Variants in UST observed in about 807,000 individuals in gnomAD.
UST encodes the protein chondroitin sulfate 2-O-sulfotransferase.
Under a neutral mutation model 45.6 loss-of-function variants are expected in UST, and 21 were observed. The observed-to-expected ratio is 0.46, with a 90% confidence interval of 0.33 to 0.66. The LOEUF (loss-of-function observed/expected upper bound fraction) is 0.66, where lower values mean the gene tolerates loss of function less well. Among genes scored for constraint, UST ranks in the 30% least tolerant of loss-of-function variants. The pLI, the probability that UST is intolerant of heterozygous loss-of-function variation, is 0.02. For synonymous variants in UST, 215 were observed against 200.6 expected, an observed-to-expected ratio of 1.07 and a Z score of -0.61; for missense variants, 463 against 512.4, an observed-to-expected ratio of 0.90 and a Z score of 0.93.
chr6:148,750,953 C>T (rs1007577535), intron 1 of UST, among the ~76,000 whole-genome samples: 1 of 152,104 alleles, frequency 6.6e-6, no homozygotes, highest in African/African-American at 2.4e-5. Context: ...TTGGACCTGC[C>T]GCATCAGCCT....
intron 5 of UST, among the ~76,000 whole-genome samples, chr6:148,984,908 A>G (rs1229142040): frequency 6.6e-6 from 1 of 152,228 alleles, no homozygotes; most frequent in Non-Finnish European, 1.5e-5. Context: ...ACATGAGACC[A>G]AGAGGAATGG....
intron 1 of UST, among the ~76,000 whole-genome samples, chr6:148,853,319 G>A (rs1021007315): frequency 2.0e-5 from 3 of 152,164 alleles, no homozygotes; most frequent in East Asian, 3.8e-4. Context: ...ATTCCATGGT[G>A]TATATGTACC....
Position 149,054,221 on chromosome 6 carries a change from C to T in UST, c.938-19612C>T, listed in dbSNP as rs546679960. Among the ~76,000 whole-genome samples the T allele has an allele frequency of 3.4e-4, 52 of 152,338 alleles. No homozygotes were observed. In the Middle Eastern group the frequency reaches 0.01, roughly 30 times the overall value. ...ACCCAAAGAAGAGCCAAAGAGCTTT[C>T]ACTTGCTTTCCCTTCTAGCCAACCA... On this transcript the variant is annotated intron_variant, in intron 7 of 7. Coordinates refer to ENST00000367463, the MANE Select transcript of UST (RefSeq NM_005715.3).
intron 1 of UST, among the ~76,000 whole-genome samples, chr6:148,858,496 C>T (rs1228153403): frequency 6.8e-6 from 1 of 146,482 alleles, no homozygotes. Flanking sequence ...TTGCATCTTT[C>T]TTTTTTTTTT....
chr6:149,045,569 C>T (rs906839779), intron 7 of UST, among the ~76,000 whole-genome samples: 1 of 152,170 alleles, frequency 6.6e-6, no homozygotes. Context: ...TCTCTAGGCA[C>T]AGGCTTAGTA....
chr6:148,917,469 T>G (rs1319733607), intron 2 of UST, among the ~76,000 whole-genome samples: 4 of 152,234 alleles, frequency 2.6e-5, no homozygotes, highest in Admixed American at 2.6e-4. Flanking sequence ...AAAGCGGGGT[T>G]GCTTGGACCA....
intron 1 of UST, among the ~76,000 whole-genome samples, chr6:148,835,674 C>G (rs530807547): frequency 2.6e-5 from 4 of 152,126 alleles, no homozygotes; most frequent in African/African-American, 9.7e-5. Context: ...CCTGGCACTC[C>G]GGGAATACTG....
chr6:148,867,817 C>T (rs1258654681), intron 1 of UST, among the ~76,000 whole-genome samples: 1 of 152,166 alleles, frequency 6.6e-6, no homozygotes, highest in African/African-American at 2.4e-5. Flanking sequence ...CAGACTAATA[C>T]ACACTTGTTT....
At chr6:148,853,697 T>C in intron 1 of UST, among the ~76,000 whole-genome samples, 1 of 152,250 alleles carries the variant, frequency 6.6e-6, no homozygotes, top group Non-Finnish European at 1.5e-5. Context: ...TTGATTTGTA[T>C]TTCTCTAATG....
intron 5 of UST, among the ~76,000 whole-genome samples, chr6:149,003,890 C>T (rs952646241): frequency 2.0e-4 from 31 of 152,314 alleles, no homozygotes; most frequent in African/African-American, 4.3e-4. Context: ...ATTTAATAGA[C>T]GTGCAGGGCC....
chr6:148,764,738 A>G (rs145793379), intron 1 of UST, among the ~76,000 whole-genome samples: 31 of 152,306 alleles, frequency 2.0e-4, no homozygotes, highest in African/African-American at 6.7e-4. Flanking sequence ...CAGAGATCAC[A>G]TGCTTCAAGG....
In UST at chr6:149,033,419, C is replaced by T. The variant is rs1213893588; in HGVS notation, c.937+11938C>T. Among the ~76,000 whole-genome samples, 5 of 152,196 alleles carry T rather than the reference C, an allele frequency of 3.3e-5. 1 individual carries two copies. The highest frequency in any genetic ancestry group is 1.3e-4 in the Admixed American group (2 of 15,286). On this transcript the variant is annotated intron_variant, in intron 7 of 7. Coordinates refer to ENST00000367463, the MANE Select transcript of UST (RefSeq NM_005715.3). ...GTCTGTATATTTTTCATGTCTCAGA[C>T]ATTTTTATCAATACATAATGTCCTA...
At chr6:149,005,700 C>A in intron 5 of UST, 1 of 795,438 alleles carries the variant, frequency 1.3e-6, no homozygotes, top group Non-Finnish European at 1.5e-6. Context: ...GCACATTGAG[C>A]TTGATAACTT....
chr6:148,830,413 T>C (rs1425703402), intron 1 of UST, among the ~76,000 whole-genome samples: 1 of 152,256 alleles, frequency 6.6e-6, no homozygotes, highest in African/African-American at 2.4e-5. Flanking sequence ...TATCCAATTC[T>C]ATCCCCACAA....
chr6:149,002,202 G>A (rs1490735946), intron 5 of UST, among the ~76,000 whole-genome samples: 1 of 151,634 alleles, frequency 6.6e-6, no homozygotes, highest in Non-Finnish European at 1.5e-5. Context: ...AGATTCTAAA[G>A]CAGTAGAGGA....
chr6:149,028,135 C>T (rs971627709), intron 7 of UST, among the ~76,000 whole-genome samples: 3 of 152,166 alleles, frequency 2.0e-5, no homozygotes, highest in Non-Finnish European at 2.9e-5. Flanking sequence ...TGATCCACCG[C>T]GCCCGGCCTA....
chr6:148,909,887 T>C (rs1427206071), intron 2 of UST, among the ~76,000 whole-genome samples: 1 of 152,180 alleles, frequency 6.6e-6, no homozygotes, highest in Non-Finnish European at 1.5e-5. Context: ...TTTCACAGGA[T>C]AGTGTATAAT....
intron 3 of UST, among the ~76,000 whole-genome samples, chr6:148,944,508 T>TACACACACACACACACACACAC (rs10663979): frequency 1.4e-5 from 2 of 142,544 alleles, no homozygotes; most frequent in South Asian, 2.3e-4. Flanking sequence ...GTTGTGATCA[T>TACACACACACACACACACACAC]ACACACACAC....
chr6:148,824,691 T>TTA (rs1407178973), intron 1 of UST, among the ~76,000 whole-genome samples: 3 of 149,352 alleles, frequency 2.0e-5, no homozygotes, highest in African/African-American at 7.4e-5. Context: ...TTTTTTTTTT[T>TTA]ATTATACTCT....
Sources: gnomAD v4.1 joint callset for allele counts (sites outside exome capture counted in the v4.1 genomes callset) on GRCh38, gnomAD v4.1.1 for gene constraint, MANE v1.5 for transcripts, NCBI Gene and HGNC (gene_info 2026-07-23, HGNC 2026-07-21) for gene names.